The following RALGAPA2 variants were observed in gnomAD, a reference collection of about 807,000 sequenced individuals.
RALGAPA2 encodes ral GTPase-activating protein subunit alpha-2.
RALGAPA2 carries 139 observed loss-of-function variants against 230.4 expected under a neutral mutation model. The ratio of observed to expected loss-of-function variants is 0.60; its 90% CI spans 0.53 to 0.69. The LOEUF is 0.69. Among genes scored for constraint, RALGAPA2 ranks in the 30% least tolerant of loss-of-function variants. The pLI is 0.00. For synonymous variants in RALGAPA2, 847 were observed against 837.8 expected (o/e 1.01, Z -0.19); for missense variants, 2,163 against 2,276.0 (o/e 0.95, Z 1.01).
intron 23 of RALGAPA2, among the ~76,000 whole-genome samples, chr20:20,553,556 AAAAAC>A (rs965848438): frequency 3.3e-5 from 5 of 152,054 alleles, no homozygotes; most frequent in Admixed American, 1.3e-4. Flanking sequence ...TATCTTAAAA[AAAAAC>A]AAAACAAAAC....
At chr20:20,430,294 C>G (rs982500123) in intron 37 of RALGAPA2, among the ~76,000 whole-genome samples, 1 of 152,220 alleles carries the variant, frequency 6.6e-6, no homozygotes, top group African/African-American at 2.4e-5. Flanking sequence ...GACACAAGGG[C>G]AGGCCTGGAT....
At chr20:20,536,177 AT>A (rs546703063) in intron 25 of RALGAPA2, among the ~76,000 whole-genome samples, 5 of 152,238 alleles carry the variant, frequency 3.3e-5, no homozygotes, top group African/African-American at 4.8e-5. Context: ...TTCTAAAAGC[AT>A]TTTTGTTTAC....
At chr20:20,695,879 G>T (rs2069092943) in intron 1 of RALGAPA2, among the ~76,000 whole-genome samples, 5 of 152,162 alleles carry the variant, frequency 3.3e-5, no homozygotes, top group Admixed American at 3.3e-4. Flanking sequence ...TGCAGTGTTT[G>T]CTGCCTTTGC....
chr20:20,629,383 C>T lies in RALGAPA2; in HGVS notation c.1213G>A (p.Val405Met), dbSNP rs1330200187. 31 of 1,601,934 alleles carry T rather than the reference C, an allele frequency of 1.9e-5. No individual in the cohort carries two copies. Among genetic ancestry groups the T allele is most frequent in the Non-Finnish European group, 2.4e-5 (28 of 1,173,798 alleles). Residue 405 changes from valine (V) to methionine (M), a missense_variant, in exon 10 of 40, where the codon GTG (valine) becomes ATG (methionine). Physicochemically the swap from Val to Met is conservative, Grantham distance 21 (BLOSUM62 1). Coordinates refer to ENST00000202677, the MANE Select transcript of RALGAPA2 (RefSeq NM_020343.4). ...CTAACCTGGTGAAATACTTCATTCA[C>T]GAAGTTGACATAACCTCGTGTTGAC... ...LLSTRGYVNF[V>M]NEVFHQAFLL...
intron 10 of RALGAPA2, among the ~76,000 whole-genome samples, chr20:20,628,940 G>A (rs2066579777): frequency 6.6e-6 from 1 of 152,156 alleles, no homozygotes; most frequent in Admixed American, 6.5e-5. Flanking sequence ...CGCCTCTGCA[G>A]AGTTTTTGCA....
intron 37 of RALGAPA2, among the ~76,000 whole-genome samples, chr20:20,469,684 A>G (rs981778149): frequency 6.6e-6 from 1 of 152,198 alleles, no homozygotes; most frequent in Non-Finnish European, 1.5e-5. Context: ...GAAACAAGTT[A>G]TTTGATGAGA....
chr20:20,678,277 C>T (rs2068405404), intron 2 of RALGAPA2, among the ~76,000 whole-genome samples: 4 of 152,116 alleles, frequency 2.6e-5, no homozygotes, highest in Admixed American at 2.6e-4. Context: ...CAATCGAACA[C>T]AGATTATACT....
At chr20:20,520,187 T>C (rs2062994407) in intron 31 of RALGAPA2, among the ~76,000 whole-genome samples, 1 of 152,218 alleles carries the variant, frequency 6.6e-6, no homozygotes, top group Non-Finnish European at 1.5e-5. Flanking sequence ...GAAGTTGACA[T>C]TGATAATAAT....
At chr20:20,546,581 C>A in intron 24 of RALGAPA2, 123 bp downstream of exon 24, 1 of 1,266,620 alleles carries the variant, frequency 7.9e-7, no homozygotes, top group South Asian at 2.5e-5. Flanking sequence ...GGGTATCTAC[C>A]CTGAGAGCCC....
intron 16 of RALGAPA2, among the ~76,000 whole-genome samples, chr20:20,597,806 T>G (rs1460577492): frequency 6.6e-6 from 1 of 152,036 alleles, no homozygotes; most frequent in Admixed American, 6.6e-5. Context: ...GCCACTGCAC[T>G]CCAGCCTGGG....
At chr20:20,529,249 T>G (rs2063307351) in intron 27 of RALGAPA2, among the ~76,000 whole-genome samples, 1 of 152,220 alleles carries the variant, frequency 6.6e-6, no homozygotes, top group African/African-American at 2.4e-5. Flanking sequence ...TCTTTGACCT[T>G]CCTCAGTCCT....
chr20:20,684,271 C>T (rs886627665), intron 1 of RALGAPA2, among the ~76,000 whole-genome samples: 1 of 152,122 alleles, frequency 6.6e-6, no homozygotes, highest in African/African-American at 2.4e-5. Flanking sequence ...AGCTGGCAAA[C>T]AATTTCTCTA....
chr20:20,522,322 A>G (rs2063069593), intron 30 of RALGAPA2, among the ~76,000 whole-genome samples: 1 of 152,146 alleles, frequency 6.6e-6, no homozygotes, highest in Admixed American at 6.5e-5. Flanking sequence ...AATGTCTATG[A>G]ACGGTAAAAT....
chr20:20,434,901 A>T (rs1416966699), intron 37 of RALGAPA2, among the ~76,000 whole-genome samples: 1 of 152,116 alleles, frequency 6.6e-6, no homozygotes, highest in African/African-American at 2.4e-5. Flanking sequence ...GCACCACTGC[A>T]CTCTAGCGTG....
intron 3 of RALGAPA2, among the ~76,000 whole-genome samples, chr20:20,675,823 T>TAGG (rs1352331815): frequency 6.6e-6 from 1 of 152,164 alleles, no homozygotes; most frequent in African/African-American, 2.4e-5. Context: ...TCTCTAATGT[T>TAGG]AGAGTATAGG....
chr20:20,653,000 G>A (rs2067457253), intron 4 of RALGAPA2, among the ~76,000 whole-genome samples: 2 of 151,684 alleles, frequency 1.3e-5, no homozygotes, highest in Admixed American at 1.3e-4. Flanking sequence ...GAGACAGCCT[G>A]GCCAACATGG....
intron 20 of RALGAPA2, among the ~76,000 whole-genome samples, chr20:20,574,475 G>A (rs2145945082): frequency 6.6e-6 from 1 of 152,186 alleles, no homozygotes; most frequent in African/African-American, 2.4e-5. Flanking sequence ...TTGTTCTTTG[G>A]ATACCTGTTG....
At chr20:20,463,095 T>C (rs2061339508) in intron 37 of RALGAPA2, among the ~76,000 whole-genome samples, 1 of 152,196 alleles carries the variant, frequency 6.6e-6, no homozygotes, top group African/African-American at 2.4e-5. Context: ...TTCCCTTCCC[T>C]TTCCAGAATA....
rs538755344 is a variant in RALGAPA2, at chr20:20,630,536, A to G, written c.1006-946T>C. ...TTTTTCTCTTCATGCCTTAGTTACT[A>G]AGCCTGTGTGGCTTATGAAAGGCAC... On this transcript the variant is annotated intron_variant, in intron 9 of 39. Coordinates refer to ENST00000202677, the MANE Select transcript of RALGAPA2 (RefSeq NM_020343.4). 1.5e-4 allele frequency among the ~76,000 whole-genome samples: 23 copies of G among 152,348 alleles called. 1 individual carries two copies. The Middle Eastern group carries it at 0.01, about 68-fold the overall frequency.
Sources: allele counts gnomAD v4.1 joint callset (sites outside exome capture counted in the v4.1 genomes callset), GRCh38; gene constraint gnomAD v4.1.1; transcripts MANE v1.5; gene names NCBI Gene and HGNC (gene_info 2026-07-23, HGNC 2026-07-21).